NBEA: variants seen among roughly 807,000 people sequenced by gnomAD.
NBEA encodes the protein lysosomal-trafficking regulator 2.
Under a neutral mutation model 343.4 loss-of-function variants are expected in NBEA, and 44 were observed. The observed-to-expected ratio is 0.13, with a 90% CI of 0.10 to 0.16. The LOEUF (loss-of-function observed/expected upper bound fraction) is 0.16. Among genes scored for constraint, NBEA ranks in the 10% least tolerant of loss-of-function variants. The pLI, the probability that NBEA is intolerant of heterozygous loss-of-function variation, is 1.00. For synonymous variants in NBEA, 1,175 were observed against 1,238.7 expected, an observed-to-expected ratio of 0.95 and a Z score of 1.08; for missense variants, 2,555 against 3,631.3, an observed-to-expected ratio of 0.70 and a Z score of 7.62.
At chr13:35,561,567 G>C (rs987882093) in intron 44 of NBEA, among the ~76,000 whole-genome samples, 1 of 151,892 alleles carries the variant, frequency 6.6e-6, no homozygotes, top group Non-Finnish European at 1.5e-5. Flanking sequence ...TATTATTTTA[G>C]TATGAAATGC....
chr13:35,321,107 C>T (rs1436633610), intron 36 of NBEA, among the ~76,000 whole-genome samples: 1 of 152,076 alleles, frequency 6.6e-6, no homozygotes, highest in Admixed American at 6.6e-5. Context: ...ATTTGTCAAA[C>T]TCATTCTCCA....
intron 34 of NBEA, among the ~76,000 whole-genome samples, chr13:35,233,795 A>G (rs1413164944): frequency 1.3e-5 from 2 of 152,174 alleles, no homozygotes; most frequent in Non-Finnish European, 2.9e-5. Flanking sequence ...ATTAAATTAC[A>G]TAGCATGCTA....
chr13:35,505,768 T>G (rs2152983552), intron 41 of NBEA, among the ~76,000 whole-genome samples: 1 of 152,276 alleles, frequency 6.6e-6, no homozygotes, highest in Admixed American at 6.5e-5. Flanking sequence ...CTTTTGTGTG[T>G]GGGACATTTT....
Position 34,942,884 on chromosome 13 carries a change from G to C in NBEA, c.64G>C (p.Val22Leu). 6.9e-7 allele frequency: 1 copy of C among 1,452,062 alleles called. No homozygotes were observed. The highest frequency in any genetic ancestry group is 9.1e-7 in the Non-Finnish European group (1 of 1,094,980). The allele number at this position is 1,452,062 out of a possible 1,614,324, so 89.9% of individuals were successfully genotyped here. A position where few individuals can be genotyped will look rare whatever the true frequency, so the allele number is the denominator to read the frequency against. The change falls in exon 1 of 59, where the codon GTC becomes CTC. Residue 22 changes from valine to leucine, a missense_variant. Val to Leu is a conservative substitution (Grantham distance 32, BLOSUM62 1). Transcript: ENST00000379939. ...GCCTCAGCCCGTGGGGCTCATTGCC[G>C]TCGGGGCCGCTGGCGGAGGCGGCGG... ...LEPQPVGLIAVGAAGGGGGGS... is the reference protein window; with the variant it reads ...LEPQPVGLIALGAAGGGGGGS...
intron 38 of NBEA, among the ~76,000 whole-genome samples, chr13:35,425,376 C>A (rs1321470236): frequency 6.6e-6 from 1 of 152,290 alleles, no homozygotes; most frequent in Non-Finnish European, 1.5e-5. Flanking sequence ...CAAAGAACAT[C>A]TTTATTTCTG....
rs534583887 is a variant in NBEA, at chr13:35,507,445, C to T, written c.6585+34909C>T. On this transcript the variant is annotated intron_variant, in intron 41 of 58. Coordinates refer to ENST00000379939, the MANE Select transcript of NBEA (RefSeq NM_001385012.1). The stretch of plus-strand genomic sequence containing the variant: ...TCAGGCTCTTATATTCAAATGCCTA[C>T]CTGGCATTTCTGCTTGAGAGTCCAA... 3.3e-5 allele frequency among the ~76,000 whole-genome samples: 5 copies of T among 152,164 alleles called. No individual in the cohort carries two copies. In the East Asian group the frequency reaches 9.7e-4, roughly 29 times the overall value.
intron 1 of NBEA, among the ~76,000 whole-genome samples, chr13:35,010,929 T>C (rs2061476910): frequency 1.3e-5 from 2 of 150,864 alleles, no homozygotes; most frequent in South Asian, 2.1e-4. Context: ...AAAGGGCTAG[T>C]AGCTCAAGGA....
At chr13:35,321,493 A>G (rs116224635) in intron 36 of NBEA, among the ~76,000 whole-genome samples, 2,152 of 152,140 alleles carry the variant, frequency 0.014, 51 homozygotes, top group African/African-American at 0.049. Context: ...CACCTGCCAT[A>G]TGCCAGCTGG....
At chr13:34,976,431 G>A (rs1186798287) in intron 1 of NBEA, among the ~76,000 whole-genome samples, 2 of 152,086 alleles carry the variant, frequency 1.3e-5, no homozygotes, top group African/African-American at 4.8e-5. Context: ...GCAAAGAATG[G>A]GGGGTGGCAA....
chr13:35,625,415 G>C (rs2083181216), intron 48 of NBEA, among the ~76,000 whole-genome samples: 1 of 152,090 alleles, frequency 6.6e-6, no homozygotes, highest in Non-Finnish European at 1.5e-5. Context: ...TCAGGAGTTT[G>C]AGACCAGCCT....
intron 8 of NBEA, among the ~76,000 whole-genome samples, chr13:35,060,529 T>C (rs1175495098): frequency 4.0e-5 from 6 of 151,830 alleles, no homozygotes; most frequent in Non-Finnish European, 8.9e-5. Context: ...GATATACTTG[T>C]AAATTTGGGC....
chr13:35,229,529 A>C (rs2074851036), intron 33 of NBEA, among the ~76,000 whole-genome samples: 1 of 152,110 alleles, frequency 6.6e-6, no homozygotes, highest in Non-Finnish European at 1.5e-5. Flanking sequence ...ATTTATTTTT[A>C]TAGGACTTAA....
chr13:35,340,564 A>AT (rs2039532324), intron 36 of NBEA, among the ~76,000 whole-genome samples: 1 of 152,122 alleles, frequency 6.6e-6, no homozygotes, highest in South Asian at 2.1e-4. Context: ...TAGCAAAACA[A>AT]TGAAAATGTG....
At chr13:35,272,975 C>T (rs2034284422) in intron 34 of NBEA, among the ~76,000 whole-genome samples, 1 of 152,078 alleles carries the variant, frequency 6.6e-6, no homozygotes, top group South Asian at 2.1e-4. Flanking sequence ...ATATCCAGAA[C>T]TTGAACTCAG....
chr13:35,430,568 A>G (rs1044645159), intron 38 of NBEA, among the ~76,000 whole-genome samples: 1 of 152,170 alleles, frequency 6.6e-6, no homozygotes. Context: ...TAGAATTTGT[A>G]TGGGGTTTCA....
intron 51 of NBEA, among the ~76,000 whole-genome samples, chr13:35,649,048 A>G (rs918880652): frequency 6.6e-6 from 1 of 152,272 alleles, no homozygotes; most frequent in African/African-American, 2.4e-5. Flanking sequence ...AAGAAGAAGA[A>G]AAAGCATTGG....
intron 56 of NBEA, 63 bp downstream of exon 56, chr13:35,665,249 G>C (rs2085296024): frequency 1.5e-5 from 20 of 1,313,766 alleles, no homozygotes; most frequent in Non-Finnish European, 2.1e-5. Flanking sequence ...CACTAAGCGT[G>C]ATTGTCAGTT....
intron 26 of NBEA, among the ~76,000 whole-genome samples, chr13:35,172,518 T>A (rs1162751085): frequency 6.6e-6 from 1 of 152,064 alleles, no homozygotes; most frequent in African/African-American, 2.4e-5. Context: ...GGTTATTCTG[T>A]ACTTTTATTT....
chr13:35,431,587 G>T (rs953516801), intron 38 of NBEA, among the ~76,000 whole-genome samples: 1 of 152,100 alleles, frequency 6.6e-6, no homozygotes, highest in African/African-American at 2.4e-5. Context: ...TATATTAGTT[G>T]AAAGCTGTAG....
Sources: gnomAD v4.1 joint callset for allele counts (sites outside exome capture counted in the v4.1 genomes callset) on GRCh38, gnomAD v4.1.1 for gene constraint, MANE v1.5 for transcripts, NCBI Gene and HGNC (gene_info 2026-07-23, HGNC 2026-07-21) for gene names.